Variants in ANKRD44 observed in about 807,000 individuals in gnomAD.
The protein encoded by ANKRD44 is ankyrin repeat domain 44, also known as serine/threonine-protein phosphatase 6 regulatory ankyrin repeat subunit B.
ANKRD44 carries 35 observed loss-of-function variants against 116.0 expected under a neutral mutation model. The observed-to-expected ratio is 0.30, with a 90% CI of 0.23 to 0.40. The LOEUF (loss-of-function observed/expected upper bound fraction) is 0.40. Among genes scored for constraint, ANKRD44 ranks in the 10% least tolerant of loss-of-function variants. The probability of loss-of-function intolerance (pLI) is 1.00; values close to 1 mark genes in which losing one functional copy is unlikely to be tolerated. For missense variants in ANKRD44, 1,014 were observed against 1,242.6 expected (o/e 0.82, Z 2.77); for synonymous variants, 435 against 461.8 (o/e 0.94, Z 0.74).
intron 1 of ANKRD44, among the ~76,000 whole-genome samples, chr2:197,293,390 A>G (rs1320786420): frequency 6.6e-6 from 1 of 152,204 alleles, no homozygotes; most frequent in Non-Finnish European, 1.5e-5. Context: ...GACACACACT[A>G]ATCAAGGGGC....
chr2:197,292,604 T>C (rs2083604512), intron 1 of ANKRD44, among the ~76,000 whole-genome samples: 1 of 152,162 alleles, frequency 6.6e-6, no homozygotes, highest in African/African-American at 2.4e-5. Flanking sequence ...TGAAAAACTT[T>C]AGATGTCAAC....
intron 16 of ANKRD44, among the ~76,000 whole-genome samples, chr2:197,044,857 T>C (rs1422961429): frequency 1.3e-5 from 2 of 151,966 alleles, no homozygotes; most frequent in Non-Finnish European, 2.9e-5. Flanking sequence ...GGAAGTTTTA[T>C]GCCTAAGCAA....
intron 2 of ANKRD44, among the ~76,000 whole-genome samples, chr2:197,179,201 G>A (rs1324497486): frequency 5.9e-5 from 9 of 152,100 alleles, no homozygotes; most frequent in African/African-American, 1.9e-4. Flanking sequence ...GATTGCTATC[G>A]TTTTGTAATT....
At chr2:197,080,520 G>T (rs1167129039) in intron 15 of ANKRD44, among the ~76,000 whole-genome samples, 1 of 152,206 alleles carries the variant, frequency 6.6e-6, no homozygotes, top group African/African-American at 2.4e-5. Flanking sequence ...CTCAGGGCAA[G>T]CTTGCAGTTC....
chr2:196,976,095 G>A (rs950532064), intron 21 of ANKRD44, among the ~76,000 whole-genome samples: 1 of 151,910 alleles, frequency 6.6e-6, no homozygotes, highest in African/African-American at 2.4e-5. Flanking sequence ...TCTTCAAACT[G>A]ATCAGGGACA....
At chr2:197,112,035 T>G (rs929950843) in intron 8 of ANKRD44, among the ~76,000 whole-genome samples, 2 of 152,188 alleles carry the variant, frequency 1.3e-5, no homozygotes, top group Admixed American at 6.5e-5. Context: ...TTATACTAAA[T>G]ACCAAGATAC....
At chr2:197,009,471 G>A (rs2076257964) in intron 18 of ANKRD44, among the ~76,000 whole-genome samples, 1 of 151,906 alleles carries the variant, frequency 6.6e-6, no homozygotes, top group Non-Finnish European at 1.5e-5. Context: ...CGCCTCCCGA[G>A]TTCAAGTGAT....
intron 13 of ANKRD44, among the ~76,000 whole-genome samples, chr2:197,084,660 T>G (rs2077879027): frequency 6.6e-6 from 1 of 152,258 alleles, no homozygotes; most frequent in Non-Finnish European, 1.5e-5. Context: ...TAAGCTACTG[T>G]GCCCTACCTA....
chr2:197,008,311 T>C (rs780194403), intron 19 of ANKRD44, among the ~76,000 whole-genome samples: 7 of 152,236 alleles, frequency 4.6e-5, no homozygotes, highest in Non-Finnish European at 1.0e-4. Context: ...GTTGGACTTC[T>C]GCTAAAGATT....
At chr2:197,200,485 C>T (rs972869707) in intron 1 of ANKRD44, among the ~76,000 whole-genome samples, 1 of 152,140 alleles carries the variant, frequency 6.6e-6, no homozygotes, top group African/African-American at 2.4e-5. Context: ...CTCCCACCAC[C>T]ACCACTCGCC....
At chr2:197,248,751 G>C (rs148657893) in intron 1 of ANKRD44, among the ~76,000 whole-genome samples, 26 of 151,996 alleles carry the variant, frequency 1.7e-4, no homozygotes, top group African/African-American at 6.3e-4. Flanking sequence ...GAGGCTCTCT[G>C]GGGAGACGAG....
chr2:197,134,871 G>A (rs955791049), intron 4 of ANKRD44: 13 of 152,138 alleles, frequency 8.5e-5, no homozygotes, highest in African/African-American at 3.1e-4. Flanking sequence ...AAAAGGCCAG[G>A]AAATACTCCT....
Position 196,987,251 on chromosome 2 carries a change from T to C in ANKRD44, c.*2340A>G. On this transcript the variant is annotated 3_prime_UTR_variant, in exon 28 of 28. Coordinates refer to ENST00000282272, the MANE Select transcript of ANKRD44 (RefSeq NM_001195144.2). ...ACAATTCCTATAGAAAACTTAAGCA[T>C]TTTCATATTCATTTCAATGCAAGTA... 1 of 985,236 alleles carries C rather than the reference T, an allele frequency of 1.0e-6. No individual in the cohort carries two copies. Among genetic ancestry groups the C allele is most frequent in the South Asian group, 4.7e-5 (1 of 21,288 alleles). The allele number at this position is 985,236 out of a possible 1,614,324, so 61.0% of individuals were successfully genotyped here. A position where few individuals can be genotyped will look rare whatever the true frequency, so the allele number is the denominator to read the frequency against.
chr2:196,976,334 T>C (rs10206667), intron 21 of ANKRD44, among the ~76,000 whole-genome samples: 41,259 of 151,780 alleles, frequency 0.27, 6,349 homozygotes, highest in African/African-American at 0.43. Context: ...GACTGGGTTT[T>C]GCCAAAATTA....
chr2:197,295,571 C>G (rs1375306682), intron 1 of ANKRD44, among the ~76,000 whole-genome samples: 1 of 152,166 alleles, frequency 6.6e-6, no homozygotes, highest in Non-Finnish European at 1.5e-5. Context: ...GGATAGTAGT[C>G]TGCAACCCCT....
chr2:197,123,873 T>A (rs554706260), intron 6 of ANKRD44, among the ~76,000 whole-genome samples: 3 of 152,354 alleles, frequency 2.0e-5, no homozygotes, highest in Admixed American at 2.0e-4. Context: ...TTTTCGATTA[T>A]TAGTGCTGCT....
At chr2:197,018,147 C>A (rs372599904) in intron 17 of ANKRD44, among the ~76,000 whole-genome samples, 3 of 152,344 alleles carry the variant, frequency 2.0e-5, no homozygotes, top group East Asian at 1.9e-4. Flanking sequence ...CCCTTCCTAT[C>A]CTTGTCCCAC....
intron 12 of ANKRD44, among the ~76,000 whole-genome samples, chr2:197,088,433 A>G (rs2077973775): frequency 6.6e-6 from 1 of 152,168 alleles, no homozygotes; most frequent in Admixed American, 6.5e-5. Flanking sequence ...GGGGTAACTG[A>G]TATGTATTCT....
chr2:197,247,110 C>T (rs181837712), intron 1 of ANKRD44, among the ~76,000 whole-genome samples: 18 of 152,212 alleles, frequency 1.2e-4, no homozygotes, highest in East Asian at 5.8e-4. Context: ...GGCTAATGAA[C>T]GAGCAGTCAG....
Sources: gnomAD v4.1 joint callset for allele counts (sites outside exome capture counted in the v4.1 genomes callset) on GRCh38, gnomAD v4.1.1 for gene constraint, MANE v1.5 for transcripts, NCBI Gene and HGNC (gene_info 2026-07-23, HGNC 2026-07-21) for gene names.